Variants in LRRTM3 observed in about 807,000 individuals in gnomAD.
LRRTM3 encodes leucine-rich repeat transmembrane neuronal protein 3.
Under a neutral mutation model 44.7 loss-of-function variants are expected in LRRTM3, and 24 were observed. That is an observed-to-expected ratio of 0.54 (90% CI 0.39 to 0.76). LRRTM3 has a LOEUF of 0.76. Among genes scored for constraint, LRRTM3 ranks in the 30% least tolerant of loss-of-function variants. LRRTM3 has a pLI of 0.00. For missense variants in LRRTM3, 587 were observed against 702.2 expected (o/e 0.84, Z 1.85); for synonymous variants, 277 against 278.7 (o/e 0.99, Z 0.06).
intron 2 of LRRTM3, among the ~76,000 whole-genome samples, chr10:67,089,139 G>A (rs1317354069): frequency 1.3e-5 from 2 of 151,764 alleles, no homozygotes; most frequent in African/African-American, 2.4e-5. Flanking sequence ...TTTTGCTATC[G>A]GGAGTCCTAG....
rs146435538 is a variant in LRRTM3, at chr10:67,027,705, AG to A, written c.1537-69880del. Among the ~76,000 whole-genome samples the A allele has an allele frequency of 7.7e-3, 1,173 of 152,272 alleles. 39 individuals are homozygous for A. The East Asian group carries it at 0.11, about 14-fold the overall frequency. On this transcript the variant is annotated intron_variant, in intron 2 of 2. Transcript: ENST00000361320. ...TGGCCTCCCAAAGTGCTGGGATTAC[AG>A]GCATGAGCCACCGTGCCCGGCTGAC... is the stretch of plus-strand genomic sequence containing the variant.
At chr10:67,061,362 T>A (rs1055482812) in intron 2 of LRRTM3, among the ~76,000 whole-genome samples, 4 of 152,214 alleles carry the variant, frequency 2.6e-5, no homozygotes, top group Non-Finnish European at 4.4e-5. Context: ...ATTTACAAAA[T>A]AGAAACGTTT....
intron 2 of LRRTM3, among the ~76,000 whole-genome samples, chr10:67,036,179 G>T (rs1854041269): frequency 6.6e-6 from 1 of 151,766 alleles, no homozygotes; most frequent in Non-Finnish European, 1.5e-5. Context: ...TTGAGACAGA[G>T]TATCTCTCTA....
At chr10:67,043,797 A>C (rs1238849577) in intron 2 of LRRTM3, among the ~76,000 whole-genome samples, 1 of 152,138 alleles carries the variant, frequency 6.6e-6, no homozygotes, top group Non-Finnish European at 1.5e-5. Flanking sequence ...TATGCACAGC[A>C]ACTCAATAGC....
At chr10:66,955,931 C>T (rs2132743859) in intron 2 of LRRTM3, among the ~76,000 whole-genome samples, 1 of 152,204 alleles carries the variant, frequency 6.6e-6, no homozygotes, top group South Asian at 2.1e-4. Context: ...TGGAAATTTG[C>T]TTAGGCAAAA....
intron 2 of LRRTM3, among the ~76,000 whole-genome samples, chr10:67,041,960 A>T (rs185958764): frequency 1.3e-5 from 2 of 152,218 alleles, no homozygotes; most frequent in East Asian, 3.9e-4. Flanking sequence ...AAACAGAAGG[A>T]CACATTGGGC....
At chr10:67,089,719 G>A (rs201895876) in intron 2 of LRRTM3, among the ~76,000 whole-genome samples, 1 of 129,344 alleles carries the variant, frequency 7.7e-6, no homozygotes, top group African/African-American at 3.4e-5. Flanking sequence ...ATATACATAT[G>A]TGTGTGTGTG....
intron 2 of LRRTM3, among the ~76,000 whole-genome samples, chr10:67,092,378 G>A (rs1044471045): frequency 5.9e-5 from 9 of 151,958 alleles, no homozygotes; most frequent in African/African-American, 2.2e-4. Context: ...GAATTCTAGA[G>A]AAGGAAAACA....
chr10:67,074,286 C>T (rs1856623113), intron 2 of LRRTM3, among the ~76,000 whole-genome samples: 1 of 150,650 alleles, frequency 6.6e-6, no homozygotes, highest in South Asian at 2.1e-4. Context: ...CGCCTTGGCC[C>T]CCCAAAGTGC....
intron 2 of LRRTM3, chr10:67,013,049 G>T (rs959588615): frequency 1.3e-5 from 2 of 152,056 alleles, no homozygotes; most frequent in African/African-American, 4.8e-5. Flanking sequence ...AAGCAATACT[G>T]TTATACATAT....
intron 2 of LRRTM3, among the ~76,000 whole-genome samples, chr10:66,962,105 G>C (rs544640651): frequency 6.6e-6 from 1 of 152,152 alleles, no homozygotes; most frequent in South Asian, 2.1e-4. Context: ...CAAAATGTGG[G>C]CTAGAGTGAT....
chr10:67,031,267 A>C (rs1256399195), intron 2 of LRRTM3, among the ~76,000 whole-genome samples: 1 of 152,158 alleles, frequency 6.6e-6, no homozygotes, highest in Non-Finnish European at 1.5e-5. Context: ...TTCAACATCA[A>C]ATGAGGTAGA....
At chr10:67,083,356 A>G (rs959797654) in intron 2 of LRRTM3, among the ~76,000 whole-genome samples, 3 of 151,982 alleles carry the variant, frequency 2.0e-5, no homozygotes, top group African/African-American at 7.3e-5. Context: ...CAGTTATTCA[A>G]TGTTCTTTCT....
At chr10:67,057,365 T>G (rs1392105451) in intron 2 of LRRTM3, among the ~76,000 whole-genome samples, 1 of 152,060 alleles carries the variant, frequency 6.6e-6, no homozygotes, top group African/African-American at 2.4e-5. Context: ...CTGTGCATGG[T>G]CTTCAGAGCT....
At chr10:67,032,003 T>C (rs1413179267) in intron 2 of LRRTM3, among the ~76,000 whole-genome samples, 1 of 152,210 alleles carries the variant, frequency 6.6e-6, no homozygotes, top group East Asian at 1.9e-4. Context: ...ACACGGTGTA[T>C]ATAAAATGGT....
In LRRTM3 at chr10:67,100,608, G is replaced by A. The variant is rs1040825894; in HGVS notation, c.*2812G>A. ...TCTCCCTTCCTGTCTATTCCTCACC[G>A]ATTTAAACAACTGAAATGTTTACTT... On this transcript the variant is annotated 3_prime_UTR_variant, in exon 3 of 3. Coordinates refer to ENST00000361320, the MANE Select transcript of LRRTM3 (RefSeq NM_178011.5). Among the ~76,000 whole-genome samples, 1 of 151,268 alleles carries A rather than the reference G, an allele frequency of 6.6e-6. No individual in the cohort carries two copies. The highest frequency in any genetic ancestry group is 1.5e-5 in the Non-Finnish European group (1 of 67,718).
chr10:67,015,728 T>G lies in LRRTM3; in HGVS notation c.1537-81859T>G, dbSNP rs535181430. On this transcript the variant is annotated intron_variant, in intron 2 of 2. Coordinates refer to ENST00000361320, the MANE Select transcript of LRRTM3 (RefSeq NM_178011.5). Reference sequence around the variant, plus strand: ...CAATTTTCTTCTTTTTATTTTTTATTTTTATTGATTCATTTTTTTCTGTTC... The same window carrying G: ...CAATTTTCTTCTTTTTATTTTTTATGTTTATTGATTCATTTTTTTCTGTTC... Among the ~76,000 whole-genome samples, 74 of 152,284 alleles carry G rather than the reference T, an allele frequency of 4.9e-4. 1 individual carries two copies. The South Asian group carries it at 0.015, about 31-fold the overall frequency.
intron 2 of LRRTM3, among the ~76,000 whole-genome samples, chr10:66,978,552 A>AAAATAT: frequency 2.4e-4 from 9 of 37,884 alleles, no homozygotes; most frequent in African/African-American, 6.9e-4. Context: ...AAAAAAAAAA[A>AAAATAT]ATATATATAT....
At chr10:67,035,009 C>A (rs1853958013) in intron 2 of LRRTM3, among the ~76,000 whole-genome samples, 1 of 152,188 alleles carries the variant, frequency 6.6e-6, no homozygotes, top group South Asian at 2.1e-4. Context: ...TCACTTATTT[C>A]AAGAAGCCCT....
Sources: gnomAD v4.1 joint callset for allele counts (sites outside exome capture counted in the v4.1 genomes callset) on GRCh38, gnomAD v4.1.1 for gene constraint, MANE v1.5 for transcripts, NCBI Gene and HGNC (gene_info 2026-07-23, HGNC 2026-07-21) for gene names.